Variants in MEIS1 observed in about 807,000 individuals in gnomAD.
MEIS1 encodes homeobox protein Meis1.
A neutral mutation model predicts 50.8 loss-of-function variants in MEIS1; 5 were observed. That is an observed-to-expected ratio of 0.10 (90% CI 0.05 to 0.21). The LOEUF is 0.21. Ranked by LOEUF, MEIS1 falls within the 10% of genes least tolerant of loss-of-function variation. MEIS1 has a pLI of 1.00. For missense variants in MEIS1, 318 were observed against 517.3 expected (o/e 0.61, Z 3.74); for synonymous variants, 176 against 179.3 (o/e 0.98, Z 0.15).
intron 8 of MEIS1, among the ~76,000 whole-genome samples, chr2:66,534,149 C>G (rs1288028534): frequency 6.7e-6 from 1 of 148,288 alleles, no homozygotes; most frequent in African/African-American, 2.4e-5. Context: ...GCTTGGAGAT[C>G]TGAAATGTTG....
At chr2:66,459,689 G>GGA (rs1168415037) in intron 6 of MEIS1, among the ~76,000 whole-genome samples, 2 of 151,980 alleles carry the variant, frequency 1.3e-5, no homozygotes, top group Admixed American at 1.3e-4. Flanking sequence ...ATGGGGAGGT[G>GGA]GAGAGAGAGA....
At chr2:66,554,169 A>G (rs998023194) in intron 9 of MEIS1, among the ~76,000 whole-genome samples, 9 of 152,170 alleles carry the variant, frequency 5.9e-5, no homozygotes, top group Non-Finnish European at 1.2e-4. Context: ...TGGGAGACTG[A>G]TTTACCCAGC....
chr2:66,551,798 T>C (rs918945763), intron 9 of MEIS1, among the ~76,000 whole-genome samples: 2 of 152,020 alleles, frequency 1.3e-5, no homozygotes, highest in South Asian at 2.1e-4. Flanking sequence ...CCTTCTTTGG[T>C]CCCTTGCTCC....
intron 9 of MEIS1, among the ~76,000 whole-genome samples, chr2:66,564,314 A>C (rs1216257011): frequency 2.0e-5 from 3 of 152,190 alleles, no homozygotes; most frequent in Non-Finnish European, 1.5e-5. Context: ...CTTGCCACCA[A>C]AAAGAAGCAA....
At chr2:66,485,005 T>G (rs1318905798) in intron 7 of MEIS1, among the ~76,000 whole-genome samples, 1 of 152,060 alleles carries the variant, frequency 6.6e-6, no homozygotes, top group Non-Finnish European at 1.5e-5. Flanking sequence ...TGGGGGGAAG[T>G]TTTATGTAAC....
chr2:66,526,324 A>T (rs1437183233), intron 8 of MEIS1, among the ~76,000 whole-genome samples: 1 of 152,212 alleles, frequency 6.6e-6, no homozygotes, highest in African/African-American at 2.4e-5. Context: ...GGTCATAAGG[A>T]ATCCAAAAGC....
At chr2:66,478,281 C>A (rs1672939492) in intron 7 of MEIS1, among the ~76,000 whole-genome samples, 1 of 152,108 alleles carries the variant, frequency 6.6e-6, no homozygotes, top group Non-Finnish European at 1.5e-5. Context: ...GAAGTGGAAG[C>A]ATTGCTTTTA....
intron 8 of MEIS1, among the ~76,000 whole-genome samples, chr2:66,528,166 G>A (rs1674302790): frequency 6.6e-6 from 1 of 152,166 alleles, no homozygotes; most frequent in African/African-American, 2.4e-5. Context: ...CACTAGAGAT[G>A]TATATAGAGT....
chr2:66,458,070 A>C (rs1672435107), intron 6 of MEIS1, among the ~76,000 whole-genome samples: 1 of 152,162 alleles, frequency 6.6e-6, no homozygotes, highest in Non-Finnish European at 1.5e-5. Context: ...GTAGCTGCTA[A>C]CTGACACCTT....
chr2:66,485,689 T>G (rs1558535666), intron 7 of MEIS1, among the ~76,000 whole-genome samples: 1 of 152,250 alleles, frequency 6.6e-6, no homozygotes, highest in South Asian at 2.1e-4. Flanking sequence ...TCTTCCACAA[T>G]GGTTGAATTA....
At chr2:66,515,412 A>G (rs929165392) in intron 8 of MEIS1, among the ~76,000 whole-genome samples, 2 of 152,148 alleles carry the variant, frequency 1.3e-5, no homozygotes, top group African/African-American at 4.8e-5. Flanking sequence ...AACCAAAACA[A>G]AACAAAAACC....
At chr2:66,559,326 G>T (rs186732257) in intron 9 of MEIS1, among the ~76,000 whole-genome samples, 5 of 152,306 alleles carry the variant, frequency 3.3e-5, no homozygotes, top group African/African-American at 1.2e-4. Flanking sequence ...GAGGCTCATG[G>T]TTTATGCCTG....
intron 8 of MEIS1, among the ~76,000 whole-genome samples, chr2:66,522,931 A>G (rs1674161367): frequency 6.6e-6 from 1 of 152,230 alleles, no homozygotes; most frequent in Non-Finnish European, 1.5e-5. Context: ...GCTGGGAGGC[A>G]GAATCCCTGT....
chr2:66,503,689 G>A (rs1673612992), intron 7 of MEIS1, among the ~76,000 whole-genome samples: 1 of 149,142 alleles, frequency 6.7e-6, no homozygotes, highest in African/African-American at 2.5e-5. Flanking sequence ...ATGAATGAAC[G>A]AATAACAAGA....
intron 7 of MEIS1, among the ~76,000 whole-genome samples, chr2:66,483,715 A>AT (rs754071859): frequency 6.6e-6 from 1 of 152,232 alleles, no homozygotes; most frequent in Non-Finnish European, 1.5e-5. Flanking sequence ...TGTTCCTTCT[A>AT]TACCACACAT....
At chr2:66,443,140 G>A in intron 6 of MEIS1, 92 bp downstream of exon 6, 5 of 1,368,564 alleles carry the variant, frequency 3.7e-6, no homozygotes, top group Non-Finnish European at 4.9e-6. Context: ...TTTATTATTT[G>A]CATATGATTA....
chr2:66,474,971 T>G (rs1413478825), intron 7 of MEIS1, among the ~76,000 whole-genome samples: 2 of 151,974 alleles, frequency 1.3e-5, no homozygotes, highest in African/African-American at 4.8e-5. Flanking sequence ...AATTTGCCAA[T>G]GGGCTTGTTG....
At chr2:66,476,599 G>A (rs1042715055) in intron 7 of MEIS1, among the ~76,000 whole-genome samples, 2 of 152,140 alleles carry the variant, frequency 1.3e-5, no homozygotes, top group Admixed American at 6.5e-5. Context: ...GAGTAATTTG[G>A]AAGTAGAGGA....
At chr2:66,552,465 C>T (rs1674945216) in intron 9 of MEIS1, among the ~76,000 whole-genome samples, 1 of 152,144 alleles carries the variant, frequency 6.6e-6, no homozygotes, top group African/African-American at 2.4e-5. Flanking sequence ...ATCAAGAGAG[C>T]ATATAAAATT....
Sources: allele counts gnomAD v4.1 joint callset (sites outside exome capture counted in the v4.1 genomes callset), GRCh38; gene constraint gnomAD v4.1.1; transcripts MANE v1.5; gene names NCBI Gene and HGNC (gene_info 2026-07-23, HGNC 2026-07-21).